The following GRM8 variants were observed in gnomAD, a reference collection of about 807,000 sequenced individuals.
The protein encoded by GRM8 is glutamate metabotropic receptor 8.
In GRM8, 47 loss-of-function variants were observed where a neutral mutation model predicts 87.2. The observed-to-expected ratio is 0.54, with a 90% CI of 0.43 to 0.69. The LOEUF (loss-of-function observed/expected upper bound fraction) is 0.69. GRM8 is among the 30% of genes least tolerant of loss of function. The probability of loss-of-function intolerance (pLI) is 0.00; values close to 1 mark genes in which losing one functional copy is unlikely to be tolerated. For synonymous variants in GRM8, 396 were observed against 404.5 expected, an observed-to-expected ratio of 0.98 and a Z score of 0.25; for missense variants, 1,019 against 1,139.2, an observed-to-expected ratio of 0.89 and a Z score of 1.52.
chr7:126,469,066 A>G (rs1274908430), intron 9 of GRM8, among the ~76,000 whole-genome samples: 1 of 152,146 alleles, frequency 6.6e-6, no homozygotes, highest in Non-Finnish European at 1.5e-5. Flanking sequence ...TTAGTATATA[A>G]GACCAACACC....
chr7:126,668,826 T>C (rs962914991), intron 7 of GRM8, among the ~76,000 whole-genome samples: 2 of 152,224 alleles, frequency 1.3e-5, no homozygotes, highest in African/African-American at 4.8e-5. Context: ...CAACTGGGTT[T>C]CCTTTTGCCT....
chr7:126,845,137 C>A (rs1011326639), intron 6 of GRM8, among the ~76,000 whole-genome samples: 8 of 152,218 alleles, frequency 5.3e-5, no homozygotes, highest in African/African-American at 1.9e-4. Flanking sequence ...GATGAATATT[C>A]AGTCTTCCAT....
Position 126,532,954 on chromosome 7 carries a change from T to A in GRM8, c.2428A>T (p.Lys810Ter). 6.3e-7 allele frequency: 1 copy of A among 1,596,382 alleles called. No individual in the cohort carries two copies. Among genetic ancestry groups the A allele is most frequent in the Non-Finnish European group, 8.6e-7 (1 of 1,169,114 alleles). Residue 810 changes from lysine (K) to a stop codon, truncating the protein, a stop_gained and splice_region_variant, in exon 9 of 11, where the codon AAG (lysine) becomes TAG (stop). Transcript: ENST00000339582. LOFTEE classifies it high-confidence loss of function. ...CAAGTGTATTTCCTTCTACTTACCT[T>A]TTCTGCTGACTGGGCTGTACCAAAA... ...IFFGTAQSAE[K>*]MYIQTTTLTV...
chr7:126,632,012 A>G (rs1041258135), intron 7 of GRM8, among the ~76,000 whole-genome samples: 2 of 152,230 alleles, frequency 1.3e-5, no homozygotes, highest in African/African-American at 2.4e-5. Context: ...AATTGCAACA[A>G]AAGGAAAAAT....
intron 8 of GRM8, among the ~76,000 whole-genome samples, chr7:126,545,069 C>T (rs1164628863): frequency 1.3e-5 from 2 of 152,146 alleles, no homozygotes; most frequent in African/African-American, 4.8e-5. Flanking sequence ...ATGAAGTGCC[C>T]CATCTTTCAC....
chr7:126,829,905 C>T (rs1461631372), intron 6 of GRM8, among the ~76,000 whole-genome samples: 2 of 152,026 alleles, frequency 1.3e-5, no homozygotes, highest in Non-Finnish European at 2.9e-5. Context: ...CTGGTGGTGA[C>T]AAAATCTCTC....
chr7:126,947,576 A>C (rs1807680251), intron 3 of GRM8, among the ~76,000 whole-genome samples: 1 of 151,904 alleles, frequency 6.6e-6, no homozygotes, highest in Non-Finnish European at 1.5e-5. Context: ...ATGTATGTGT[A>C]TATATATACA....
At chr7:126,825,923 A>G (rs28722926) in intron 6 of GRM8, among the ~76,000 whole-genome samples, 3,956 of 130,922 alleles carry the variant, frequency 0.03, 174 homozygotes, top group African/African-American at 0.11. Context: ...TCCTGTGTCC[A>G]TGTGTTCTCA....
chr7:126,949,752 A>G (rs1388130363), intron 3 of GRM8, among the ~76,000 whole-genome samples: 1 of 152,218 alleles, frequency 6.6e-6, no homozygotes, highest in East Asian at 1.9e-4. Flanking sequence ...TTAACAGACC[A>G]GCAATACTTC....
intron 6 of GRM8, among the ~76,000 whole-genome samples, chr7:126,782,187 T>C (rs750356159): frequency 1.3e-5 from 2 of 152,212 alleles, no homozygotes; most frequent in Non-Finnish European, 1.5e-5. Flanking sequence ...GGTGGGTTTG[T>C]ATACTGTATT....
intron 3 of GRM8, among the ~76,000 whole-genome samples, chr7:127,039,069 T>G (rs1586822755): frequency 6.6e-6 from 1 of 152,194 alleles, no homozygotes; most frequent in African/African-American, 2.4e-5. Flanking sequence ...GGAGGCTGGG[T>G]ATATTGGCCC....
At chr7:126,783,470 T>C (rs1820310290) in intron 6 of GRM8, among the ~76,000 whole-genome samples, 1 of 152,166 alleles carries the variant, frequency 6.6e-6, no homozygotes, top group Admixed American at 6.6e-5. Context: ...AATCTATACC[T>C]TCTATTTCTG....
intron 3 of GRM8, among the ~76,000 whole-genome samples, chr7:127,015,067 GAAA>G (rs1418955627): frequency 1.6e-3 from 143 of 89,386 alleles, no homozygotes; most frequent in South Asian, 3.9e-3. Context: ...AGAAGAAGAA[GAAA>G]GAAAGAAGGA....
intron 3 of GRM8, among the ~76,000 whole-genome samples, chr7:127,081,194 C>A (rs544342866): frequency 6.6e-6 from 1 of 152,218 alleles, no homozygotes; most frequent in South Asian, 2.1e-4. Context: ...TTCTCTCATA[C>A]CCCATTTCCC....
intron 8 of GRM8, among the ~76,000 whole-genome samples, chr7:126,564,399 C>T (rs986446133): frequency 1.3e-5 from 2 of 152,088 alleles, no homozygotes; most frequent in African/African-American, 2.4e-5. Flanking sequence ...AAAGATATTT[C>T]CCCATTGCAA....
At chr7:126,441,452 T>A (rs969068406) in intron 10 of GRM8, among the ~76,000 whole-genome samples, 2 of 152,082 alleles carry the variant, frequency 1.3e-5, no homozygotes, top group African/African-American at 2.4e-5. Flanking sequence ...AATTCCTTTG[T>A]ATTGTTGAAA....
intron 7 of GRM8, among the ~76,000 whole-genome samples, chr7:126,641,937 A>C (rs768419683): frequency 6.6e-6 from 1 of 152,200 alleles, no homozygotes; most frequent in Non-Finnish European, 1.5e-5. Flanking sequence ...TCTTCCAGTT[A>C]CACCTCATTG....
rs1013201594 is a variant in GRM8, at chr7:126,890,982, C to A, written c.1156+11560G>T. Among the ~76,000 whole-genome samples, 10 of 152,156 alleles carry A rather than the reference C, an allele frequency of 6.6e-5. No homozygotes were observed. In the East Asian group the frequency reaches 1.7e-3, roughly 27 times the overall value. The stretch of plus-strand genomic sequence containing the variant: ...AAGACCTTGTATTCTTAGCTTCAGA[C>A]TCACATAACCAAGTAACCCTTCCCA... On this transcript the variant is annotated intron_variant, in intron 6 of 10. Transcript: ENST00000339582.
chr7:126,646,102 T>C (rs1020724024), intron 7 of GRM8, among the ~76,000 whole-genome samples: 2 of 152,272 alleles, frequency 1.3e-5, no homozygotes, highest in African/African-American at 4.8e-5. Flanking sequence ...GGGCCTCTAT[T>C]CACAAGTTAT....
Sources: gnomAD v4.1 joint callset for allele counts (sites outside exome capture counted in the v4.1 genomes callset) on GRCh38, gnomAD v4.1.1 for gene constraint, MANE v1.5 for transcripts, NCBI Gene and HGNC (gene_info 2026-07-23, HGNC 2026-07-21) for gene names.